The following PAPPA2 variants were observed in gnomAD, a reference collection of about 807,000 sequenced individuals.
PAPPA2 encodes pappalysin-2.
PAPPA2 carries 86 observed loss-of-function variants against 176.4 expected under a neutral mutation model. The observed-to-expected ratio is 0.49, with a 90% CI of 0.41 to 0.58. The LOEUF (loss-of-function observed/expected upper bound fraction) is 0.58. PAPPA2 is among the 20% of genes least tolerant of loss of function. PAPPA2 has a pLI of 0.00. For synonymous variants in PAPPA2, 809 were observed against 852.2 expected, an observed-to-expected ratio of 0.95 and a Z score of 0.88; for missense variants, 2,073 against 2,256.9, an observed-to-expected ratio of 0.92 and a Z score of 1.65.
chr1:176,630,127 T>G (rs1008920152), intron 3 of PAPPA2, among the ~76,000 whole-genome samples: 1 of 152,072 alleles, frequency 6.6e-6, no homozygotes, highest in Admixed American at 6.5e-5. Context: ...GACACAAAGT[T>G]AAGTGGGAGG....
rs954980668 is a variant in PAPPA2, at chr1:176,640,140, A to G, written c.1992-30830A>G. ...TTATTTATCTATTTTTATTTTTTTCAAAAGTATAATAATGAATTTTATTTT... is the reference window on the plus strand; with the variant it reads ...TTATTTATCTATTTTTATTTTTTTCGAAAGTATAATAATGAATTTTATTTT... On this transcript the variant is annotated intron_variant, in intron 3 of 22. Transcript: ENST00000367662. Among the ~76,000 whole-genome samples the G allele has an allele frequency of 1.5e-4, 23 of 151,078 alleles. 1 individual carries two copies. The South Asian group carries it at 4.8e-3, about 31-fold the overall frequency.
At chr1:176,768,543 C>G (rs999711936) in intron 15 of PAPPA2, among the ~76,000 whole-genome samples, 2 of 152,168 alleles carry the variant, frequency 1.3e-5, no homozygotes, top group African/African-American at 4.8e-5. Flanking sequence ...GTAGCTCTAA[C>G]ATTTCCTTCT....
intron 12 of PAPPA2, among the ~76,000 whole-genome samples, chr1:176,721,203 T>A (rs1327755824): frequency 2.6e-5 from 4 of 152,248 alleles, no homozygotes; most frequent in Non-Finnish European, 5.9e-5. Flanking sequence ...TCTAAGTGGT[T>A]AGTCTTGAGG....
At chr1:176,559,993 G>A (rs984085021) in intron 2 of PAPPA2, among the ~76,000 whole-genome samples, 4 of 152,172 alleles carry the variant, frequency 2.6e-5, no homozygotes, top group Admixed American at 6.5e-5. Flanking sequence ...CTTTCTACAC[G>A]GAACACTAGG....
intron 4 of PAPPA2, among the ~76,000 whole-genome samples, chr1:176,672,205 A>G (rs1659049149): frequency 6.6e-6 from 1 of 152,128 alleles, no homozygotes; most frequent in African/African-American, 2.4e-5. Context: ...AGAGTAATTA[A>G]TGAACATAAT....
At chr1:176,739,016 T>C (rs953320431) in intron 12 of PAPPA2, among the ~76,000 whole-genome samples, 8 of 152,098 alleles carry the variant, frequency 5.3e-5, no homozygotes, top group African/African-American at 9.7e-5. Context: ...TATACATGCT[T>C]GATGCACCAG....
Position 176,685,121 on chromosome 1 carries a change from G to A in PAPPA2, c.2138-5016G>A, listed in dbSNP as rs182526205. Among the ~76,000 whole-genome samples the A allele has an allele frequency of 2.8e-3, 423 of 152,026 alleles. 11 individuals carry two copies. Among genetic ancestry groups the A allele is most frequent in the Admixed American group, 0.026 (403 of 15,262 alleles). ...TGTAATGAATGAAGGTTAGGTGGGAGCCAATGAAGGTTACAGGCAAATGAA... is the reference window on the plus strand; with the variant it reads ...TGTAATGAATGAAGGTTAGGTGGGAACCAATGAAGGTTACAGGCAAATGAA... On this transcript the variant is annotated intron_variant, in intron 4 of 22. Coordinates refer to ENST00000367662, the MANE Select transcript of PAPPA2 (RefSeq NM_020318.3).
In PAPPA2 at chr1:176,495,354, G is replaced by A. The variant is rs181511214; in HGVS notation, c.-917+31936G>A. Among the ~76,000 whole-genome samples, 45 of 151,934 alleles carry A rather than the reference G, an allele frequency of 3.0e-4. No individual in the cohort carries two copies. In the East Asian group the frequency reaches 4.1e-3, roughly 14 times the overall value. On this transcript the variant is annotated intron_variant, in intron 1 of 22. Coordinates refer to ENST00000367662, the MANE Select transcript of PAPPA2 (RefSeq NM_020318.3). ...TCAGGAGTTCGAGACTAGACTGACC[G>A]ACACTGAGAAACCCCATCTCTGATA...
intron 15 of PAPPA2, among the ~76,000 whole-genome samples, chr1:176,766,441 C>A (rs945980868): frequency 1.3e-5 from 2 of 152,066 alleles, no homozygotes; most frequent in Admixed American, 1.3e-4. Flanking sequence ...GGAGACAGAT[C>A]GGAATTAAAT....
At chr1:176,492,995 T>A (rs1254039748) in intron 1 of PAPPA2, among the ~76,000 whole-genome samples, 1 of 152,208 alleles carries the variant, frequency 6.6e-6, no homozygotes, top group Non-Finnish European at 1.5e-5. Flanking sequence ...ATCTATTTTA[T>A]CCTATTCTAT....
At chr1:176,521,332 C>A (rs1225884635) in intron 1 of PAPPA2, among the ~76,000 whole-genome samples, 1 of 152,162 alleles carries the variant, frequency 6.6e-6, no homozygotes, top group Non-Finnish European at 1.5e-5. Context: ...TCATGGAATG[C>A]TCCTTCTTGG....
chr1:176,483,789 C>A (rs532737415), intron 1 of PAPPA2, among the ~76,000 whole-genome samples: 2 of 152,004 alleles, frequency 1.3e-5, no homozygotes, highest in Non-Finnish European at 2.9e-5. Flanking sequence ...TTTAATGGGG[C>A]GTGGTTGCCT....
intron 2 of PAPPA2, among the ~76,000 whole-genome samples, chr1:176,588,017 A>G (rs1653426594): frequency 6.6e-6 from 1 of 152,204 alleles, no homozygotes; most frequent in Non-Finnish European, 1.5e-5. Context: ...GGCCATTTTC[A>G]CAATATTGAT....
At chr1:176,565,006 T>C (rs1651882831) in intron 2 of PAPPA2, among the ~76,000 whole-genome samples, 1 of 152,206 alleles carries the variant, frequency 6.6e-6, no homozygotes, top group Non-Finnish European at 1.5e-5. Flanking sequence ...GATTTGCCTA[T>C]TCTGTGTTAT....
chr1:176,694,886 T>C (rs1262078643), intron 6 of PAPPA2, among the ~76,000 whole-genome samples: 4 of 152,152 alleles, frequency 2.6e-5, no homozygotes, highest in Non-Finnish European at 5.9e-5. Flanking sequence ...GAATGGAAAT[T>C]CTCAACACCG....
At chr1:176,711,030 C>T (rs1247818822) in intron 11 of PAPPA2, among the ~76,000 whole-genome samples, 1 of 152,124 alleles carries the variant, frequency 6.6e-6, no homozygotes, top group Non-Finnish European at 1.5e-5. Context: ...CCAGCTGAGT[C>T]TTTCCCTTTT....
intron 5 of PAPPA2, chr1:176,691,057 A>G (rs1025831429): frequency 1.0e-6 from 1 of 985,256 alleles, no homozygotes; most frequent in African/African-American, 1.7e-5. Flanking sequence ...AAAACTTGTC[A>G]TCTGGTCTTT....
intron 14 of PAPPA2, among the ~76,000 whole-genome samples, chr1:176,744,986 C>A (rs767263757): frequency 3.3e-5 from 5 of 152,146 alleles, no homozygotes; most frequent in Non-Finnish European, 5.9e-5. Flanking sequence ...AGATTTGTAA[C>A]ACCTTCTAAT....
intron 2 of PAPPA2, among the ~76,000 whole-genome samples, chr1:176,564,140 C>T (rs747704277): frequency 5.5e-4 from 84 of 152,282 alleles, no homozygotes; most frequent in Non-Finnish European, 9.9e-4. Flanking sequence ...AACTACCTTA[C>T]GCAAATGCAG....
Sources: allele counts gnomAD v4.1 joint callset (sites outside exome capture counted in the v4.1 genomes callset), GRCh38; gene constraint gnomAD v4.1.1; transcripts MANE v1.5; gene names NCBI Gene and HGNC (gene_info 2026-07-23, HGNC 2026-07-21).